PPP1R9A: variants seen among roughly 807,000 people sequenced by gnomAD.
PPP1R9A encodes the protein neurabin-1.
A neutral mutation model predicts 141.9 loss-of-function variants in PPP1R9A; 59 were observed. The ratio of observed to expected loss-of-function variants is 0.42; its 90% CI spans 0.34 to 0.52. The LOEUF is 0.52. Among genes scored for constraint, PPP1R9A ranks in the 20% least tolerant of loss-of-function variants. The pLI, the probability that PPP1R9A is intolerant of heterozygous loss-of-function variation, is 0.10. For synonymous variants in PPP1R9A, 500 were observed against 569.7 expected (o/e 0.88, Z 1.74); for missense variants, 1,444 against 1,611.9 (o/e 0.90, Z 1.78).
At chr7:94,980,777 G>T (rs1800013708) in intron 2 of PPP1R9A, among the ~76,000 whole-genome samples, 1 of 151,906 alleles carries the variant, frequency 6.6e-6, no homozygotes, top group South Asian at 2.1e-4. Flanking sequence ...TTTGATCTGG[G>T]TTCTTATGAG....
chr7:95,094,902 A>T (rs975015342), intron 2 of PPP1R9A, among the ~76,000 whole-genome samples: 3 of 148,742 alleles, frequency 2.0e-5, no homozygotes, highest in Non-Finnish European at 4.5e-5. Flanking sequence ...AAAAAAAAAA[A>T]AAAGGAACAA....
intron 2 of PPP1R9A, among the ~76,000 whole-genome samples, chr7:95,019,346 G>A (rs1805567890): frequency 6.6e-6 from 1 of 152,186 alleles, no homozygotes; most frequent in Admixed American, 6.5e-5. Context: ...TCGCAACACT[G>A]CACTCCAGCC....
chr7:94,946,254 C>T (rs1795888070), intron 2 of PPP1R9A, among the ~76,000 whole-genome samples: 1 of 151,940 alleles, frequency 6.6e-6, no homozygotes, highest in Non-Finnish European at 1.5e-5. Flanking sequence ...CAACTGGTTT[C>T]TTCTGTCTGA....
chr7:95,038,963 G>A (rs1346082263), intron 2 of PPP1R9A, among the ~76,000 whole-genome samples: 3 of 152,194 alleles, frequency 2.0e-5, no homozygotes, highest in African/African-American at 7.2e-5. Flanking sequence ...TACAGCAAAC[G>A]TTAGACAGCC....
chr7:94,985,721 G>C, intron 2 of PPP1R9A, among the ~76,000 whole-genome samples: 1 of 151,922 alleles, frequency 6.6e-6, no homozygotes, highest in Non-Finnish European at 1.5e-5. Context: ...GCCTGTGTGT[G>C]TCTCTGCACG....
At chr7:94,927,616 A>G (rs181312539) in intron 2 of PPP1R9A, among the ~76,000 whole-genome samples, 1 of 152,352 alleles carries the variant, frequency 6.6e-6, no homozygotes, top group East Asian at 1.9e-4. Context: ...AACATTGAAT[A>G]TGTTTAAAAT....
intron 3 of PPP1R9A, among the ~76,000 whole-genome samples, chr7:95,119,756 T>G (rs1822194150): frequency 6.6e-6 from 1 of 151,596 alleles, no homozygotes; most frequent in Non-Finnish European, 1.5e-5. Context: ...GCCCAGGCGC[T>G]TCATTGGTTT....
intron 5 of PPP1R9A, among the ~76,000 whole-genome samples, chr7:95,196,656 C>A (rs1213441672): frequency 6.6e-6 from 1 of 152,080 alleles, no homozygotes; most frequent in Non-Finnish European, 1.5e-5. Context: ...CTTACAGCAA[C>A]ATGGATAAAC....
intron 14 of PPP1R9A, among the ~76,000 whole-genome samples, chr7:95,272,207 C>T (rs854529): frequency 0.28 from 42,652 of 152,134 alleles, 7,284 homozygotes; most frequent in Middle Eastern, 0.44. Flanking sequence ...CCAGCTACCT[C>T]TCATTCAGGA....
At position 95,126,447 on chromosome 7, in the gene PPP1R9A, A is replaced by G. The variant is rs1343057738; in HGVS notation, c.1649+5615A>G. Among the ~76,000 whole-genome samples, 27 of 152,190 alleles carry G rather than the reference A, an allele frequency of 1.8e-4. 1 individual carries two copies. The highest frequency in any genetic ancestry group is 1.7e-3 in the Admixed American group (26 of 15,270). ...AGACTGAAGAGCAGTAGTGTTGTGC[A>G]CTTTTGTTTATGGTAAGCACATGGA... is the stretch of plus-strand genomic sequence containing the variant. On this transcript the variant is annotated intron_variant, in intron 4 of 19. Coordinates refer to ENST00000433360, the MANE Select transcript of PPP1R9A (RefSeq NM_001166160.2).
chr7:95,051,287 T>C (rs1810764906), intron 2 of PPP1R9A, among the ~76,000 whole-genome samples: 1 of 152,116 alleles, frequency 6.6e-6, no homozygotes, highest in African/African-American at 2.4e-5. Context: ...CAAAGATCAG[T>C]CAAGCATATT....
chr7:95,198,476 G>C lies in PPP1R9A; in HGVS notation c.1882G>C (p.Asp628His), dbSNP rs1193252994. ...EQHYAQYDAD[D>H]DENTVAELQG... ...GCACTATGCCCAGTATGATGCCGAC[G>C]ATGACGAGGTCAGTAGTGCTTGCAA... Residue 628 changes from aspartate (D) to histidine (H), a missense_variant, in exon 6 of 20, where the codon GAT becomes CAT. Around this residue, in one of 5 missense-constraint regions of PPP1R9A, gnomAD observed 488 missense variants for 542.0 expected, o/e 0.90. Coordinates refer to ENST00000433360, the MANE Select transcript of PPP1R9A (RefSeq NM_001166160.2). 1 of 1,587,884 alleles carries C rather than the reference G, an allele frequency of 6.3e-7. No homozygotes were observed. Among genetic ancestry groups the C allele is most frequent in the Non-Finnish European group, 8.5e-7 (1 of 1,170,358 alleles).
At chr7:95,198,311 A>C in intron 5 of PPP1R9A, 38 bp from the exon 6 acceptor site, 1 of 1,538,548 alleles carries the variant, frequency 6.5e-7, no homozygotes, top group Non-Finnish European at 8.7e-7. Flanking sequence ...TTTTTGTTGG[A>C]GAGTCTTAAA....
chr7:95,076,624 G>A (rs140391939), intron 2 of PPP1R9A, among the ~76,000 whole-genome samples: 20 of 152,094 alleles, frequency 1.3e-4, no homozygotes, highest in African/African-American at 4.6e-4. Context: ...TAGTTTGTTA[G>A]TGTGTACTTT....
At chr7:95,197,742 G>A (rs530687608) in intron 5 of PPP1R9A, among the ~76,000 whole-genome samples, 102 of 152,178 alleles carry the variant, frequency 6.7e-4, no homozygotes, top group Middle Eastern at 3.4e-3. Flanking sequence ...TCCGCCTCTC[G>A]GATTCAAACG....
intron 2 of PPP1R9A, among the ~76,000 whole-genome samples, chr7:95,093,057 C>A (rs977719588): frequency 7.2e-5 from 11 of 152,158 alleles, no homozygotes; most frequent in African/African-American, 2.7e-4. Flanking sequence ...GTGGAGATGA[C>A]ATGCCATGCC....
At chr7:94,962,159 T>A (rs1277298628) in intron 2 of PPP1R9A, among the ~76,000 whole-genome samples, 1 of 151,986 alleles carries the variant, frequency 6.6e-6, no homozygotes, top group Non-Finnish European at 1.5e-5. Context: ...TTAAAAAATA[T>A]TTGTTTATGT....
chr7:95,103,348 G>GT (rs1186802175), intron 2 of PPP1R9A, among the ~76,000 whole-genome samples: 1 of 97,344 alleles, frequency 1.0e-5, no homozygotes, highest in Admixed American at 9.9e-5. Flanking sequence ...AGTATGTTTG[G>GT]TTTTTTTTCA....
At chr7:95,004,834 T>A (rs1803383831) in intron 2 of PPP1R9A, among the ~76,000 whole-genome samples, 1 of 152,188 alleles carries the variant, frequency 6.6e-6, no homozygotes, top group South Asian at 2.1e-4. Flanking sequence ...CTGCTGCACG[T>A]TGTCATGGTG....
Sources: allele counts gnomAD v4.1 joint callset (sites outside exome capture counted in the v4.1 genomes callset), GRCh38; gene constraint gnomAD v4.1.1; regional missense constraint gnomAD v4.1.1; transcripts MANE v1.5; gene names NCBI Gene and HGNC (gene_info 2026-07-23, HGNC 2026-07-21).